Variants in QTGAL observed in about 807,000 individuals in gnomAD.
QTGAL encodes queuosine-tRNA galactosyltransferase.
At chr17:82,956,650 C>A in the QTGAL span, 15 of 1,499,882 alleles carry the variant, frequency 1.0e-5, 1 homozygote, top group Non-Finnish European at 1.3e-5. This position sits in a 1 kb window ranked among gnomAD's most constrained non-coding sequence, Gnocchi z 5.7. Flanking sequence ...GGTGGCAGAG[C>A]CCGGGATCCC....
At chr17:83,007,312 C>A in the QTGAL span, 196 of 981,882 alleles carry the variant, frequency 2.0e-4, 3 homozygotes, top group East Asian at 0.02. Flanking sequence ...CCAATCTGAC[C>A]GAGATGCATT....
chr17:82,951,910 G>A, the QTGAL span, among the ~76,000 whole-genome samples: 1 of 151,894 alleles, frequency 6.6e-6, no homozygotes, highest in Non-Finnish European at 1.5e-5. Context: ...TGACACCACA[G>A]GTCACCGTAA....
the QTGAL span, among the ~76,000 whole-genome samples, chr17:83,028,124 T>C: frequency 1.3e-5 from 2 of 151,492 alleles, no homozygotes; most frequent in Non-Finnish European, 2.9e-5. Context: ...CAGAACGACC[T>C]GCACGCTCCC....
At chr17:83,049,444 GCTCT>G in the QTGAL span, among the ~76,000 whole-genome samples, 1 of 137,474 alleles carries the variant, frequency 7.3e-6, no homozygotes, top group East Asian at 2.2e-4. Context: ...ATGGAGTCTC[GCTCT>G]GTCACCCAGG....
the QTGAL span, chr17:82,948,783 T>C: frequency 2.0e-5 from 3 of 152,164 alleles, no homozygotes; most frequent in South Asian, 2.1e-4. Flanking sequence ...AATAGAAAAA[T>C]TGGCATCTGT....
At chr17:82,956,652 C>A in the QTGAL span, 1 of 1,503,608 alleles carries the variant, frequency 6.7e-7, no homozygotes, top group Non-Finnish European at 8.9e-7. This position sits in a 1 kb window ranked among gnomAD's most constrained non-coding sequence, Gnocchi z 5.7. Context: ...TGGCAGAGCC[C>A]GGGATCCCCA....
chr17:83,039,078 C>T, the QTGAL span, among the ~76,000 whole-genome samples: 1 of 152,184 alleles, frequency 6.6e-6, no homozygotes, highest in African/African-American at 2.4e-5. Flanking sequence ...ATGATGATGA[C>T]AGACAGCTGC....
chr17:82,970,632 C>T, the QTGAL span, among the ~76,000 whole-genome samples: 4,104 of 29,666 alleles, frequency 0.14, 917 homozygotes, highest in African/African-American at 0.35. Flanking sequence ...GGCGTGGCCG[C>T]GACCTCCGCA....
At chr17:82,956,688 C>A in the QTGAL span, 1 of 1,569,750 alleles carries the variant, frequency 6.4e-7, no homozygotes, top group Non-Finnish European at 8.6e-7. This position sits in a 1 kb window ranked among gnomAD's most constrained non-coding sequence, Gnocchi z 5.7. Context: ...AAGGGCCCCA[C>A]ACTCACCAGC....
At chr17:82,944,028 GCTC>G in the QTGAL span, 32 of 152,242 alleles carry the variant, frequency 2.1e-4, no homozygotes, top group Admixed American at 2.0e-3. Context: ...AGCTCACAAA[GCTC>G]CTGCTGGCCT....
the QTGAL span, among the ~76,000 whole-genome samples, chr17:83,024,750 G>A: frequency 1.3e-5 from 2 of 152,350 alleles, no homozygotes; most frequent in African/African-American, 4.8e-5. Flanking sequence ...CCGCAACATC[G>A]GCATGCCCTG....
chr17:83,051,175 T>C, the QTGAL span, among the ~76,000 whole-genome samples: 3 of 109,276 alleles, frequency 2.7e-5, no homozygotes, highest in Middle Eastern at 6.0e-3. Context: ...GCGGGGCAGG[T>C]GTGCAGGGCA....
the QTGAL span, among the ~76,000 whole-genome samples, chr17:83,007,982 A>G: frequency 0.024 from 3,587 of 148,318 alleles, 154 homozygotes; most frequent in African/African-American, 0.085. Flanking sequence ...AGACAGACCA[A>G]CAGCGCCCAG....
chr17:82,971,317 G>T, the QTGAL span, among the ~76,000 whole-genome samples: 1 of 152,230 alleles, frequency 6.6e-6, no homozygotes, highest in Non-Finnish European at 1.5e-5. Flanking sequence ...CGTGAGGACG[G>T]AGCAGGGACA....
chr17:83,008,107 C>A, the QTGAL span, among the ~76,000 whole-genome samples: 7 of 139,638 alleles, frequency 5.0e-5, no homozygotes, highest in Non-Finnish European at 1.1e-4. Context: ...GTGCGCTATG[C>A]GCTTAATCCT....
chr17:83,035,848 T>TTTGC, the QTGAL span, among the ~76,000 whole-genome samples: 1 of 145,596 alleles, frequency 6.9e-6, no homozygotes, highest in African/African-American at 2.5e-5. Flanking sequence ...GTCACTGAGG[T>TTTGC]AGACCCTCGG....
chr17:83,050,820 G>T, the QTGAL span, among the ~76,000 whole-genome samples: 29 of 151,784 alleles, frequency 1.9e-4, no homozygotes, highest in African/African-American at 6.3e-4. Context: ...AGGTGTGCAG[G>T]TAGGTGTGTG....
At chr17:83,040,722 C>T in the QTGAL span, among the ~76,000 whole-genome samples, 1 of 152,006 alleles carries the variant, frequency 6.6e-6, no homozygotes, top group African/African-American at 2.4e-5. Context: ...GTCAACTGAG[C>T]ATAAAAATAT....
the QTGAL span, among the ~76,000 whole-genome samples, chr17:83,028,987 C>T: frequency 1.3e-5 from 2 of 152,286 alleles, no homozygotes; most frequent in South Asian, 2.1e-4. Context: ...GAGGGCACGG[C>T]GTGCGGTTTC....
Sources: gnomAD v4.1 joint callset for allele counts (sites outside exome capture counted in the v4.1 genomes callset) on GRCh38, gnomAD v4.1.1 for gene constraint, Gnocchi (gnomAD v3.1) non-coding constraint, MANE v1.5 for transcripts, NCBI Gene and HGNC (gene_info 2026-07-23, HGNC 2026-07-21) for gene names.